Variants in GBF1 observed in about 807,000 individuals in gnomAD.
GBF1 encodes the protein Golgi-specific brefeldin A-resistance guanine nucleotide exchange factor 1.
A neutral mutation model predicts 210.5 loss-of-function variants in GBF1; 114 were observed. The ratio of observed to expected loss-of-function variants is 0.54; its 90% CI spans 0.47 to 0.63. The LOEUF (loss-of-function observed/expected upper bound fraction) is 0.63, where lower values mean the gene tolerates loss of function less well. GBF1 is among the 30% of genes least tolerant of loss of function. The probability of loss-of-function intolerance (pLI) is 0.00; values close to 1 mark genes in which losing one functional copy is unlikely to be tolerated. For missense variants in GBF1, 1,851 were observed against 2,357.7 expected, an observed-to-expected ratio of 0.79 and a Z score of 4.45; for synonymous variants, 850 against 889.2, an observed-to-expected ratio of 0.96 and a Z score of 0.78.
At chr10:102,347,333 G>C (rs979242140) in intron 4 of GBF1, among the ~76,000 whole-genome samples, 1 of 152,132 alleles carries the variant, frequency 6.6e-6, no homozygotes, top group Non-Finnish European at 1.5e-5. Context: ...CAGCCTCTCC[G>C]ACACCCTAGT....
rs143179363 is a variant in GBF1, at chr10:102,358,669, C to T, written c.951C>T (p.Tyr317=). The stretch of plus-strand genomic sequence containing the variant: ...TAGAGCAACCTGGCTCTCCAGGGTA[C>T]AGCACAGCTACAGAGCCTGGAAGCA... ...TDLEQPGSPG[Y]STATEPGSSE... is the part of the protein sequence containing the mutation. The change falls in exon 10 of 40, where the codon TAC becomes TAT. Residue 317 remains tyrosine, a synonymous_variant. Transcript: ENST00000369983. 7 of 1,613,962 alleles carry T rather than the reference C, an allele frequency of 4.3e-6. No homozygotes were observed. The highest frequency in any genetic ancestry group is 1.3e-5 in the African/African-American group (1 of 74,914).
At chr10:102,370,290 G>A (rs761864939) in intron 27 of GBF1, 45 bp downstream of exon 27, 2 of 1,504,252 alleles carry the variant, frequency 1.3e-6, no homozygotes, top group African/African-American at 1.4e-5. Flanking sequence ...GCTGAATCTG[G>A]GAGGGGTGAC....
the GBF1 span, among the ~76,000 whole-genome samples, chr10:102,235,373 C>A: frequency 6.6e-6 from 1 of 152,086 alleles, no homozygotes; most frequent in African/African-American, 2.4e-5. Flanking sequence ...GCCCAGGCCC[C>A]TCTCAGGAAA....
chr10:102,268,391 CAG>C, intron 3 of GBF1, among the ~76,000 whole-genome samples: 1 of 152,304 alleles, frequency 6.6e-6, no homozygotes, highest in East Asian at 1.9e-4. Context: ...CTCTCAAAAA[CAG>C]AGAAACCTAA....
At chr10:102,358,971 G>A (rs1589766827) in intron 10 of GBF1, 1 of 589,834 alleles carries the variant, frequency 1.7e-6, no homozygotes, top group African/African-American at 1.9e-5. Context: ...TGACAAAAGG[G>A]AAGGAGCTGG....
intron 33 of GBF1, 121 bp downstream of exon 33, chr10:102,377,261 A>G: frequency 1.5e-6 from 1 of 675,010 alleles, no homozygotes; most frequent in Non-Finnish European, 2.6e-6. Context: ...GCCCTGGACC[A>G]CCATCTTCAC....
At chr10:102,277,092 C>T (rs1179377875) in intron 3 of GBF1, among the ~76,000 whole-genome samples, 1 of 151,956 alleles carries the variant, frequency 6.6e-6, no homozygotes, top group Non-Finnish European at 1.5e-5. Flanking sequence ...TTTGGAAGGC[C>T]AAGATGAGAG....
intron 3 of GBF1, among the ~76,000 whole-genome samples, chr10:102,274,672 A>G (rs1208782240): frequency 7.2e-6 from 1 of 139,658 alleles, no homozygotes; most frequent in African/African-American, 2.7e-5. Flanking sequence ...TTTTTAGGAC[A>G]TTGAAGTCTA....
At chr10:102,248,689 G>A (rs1362522718) in intron 1 of GBF1, among the ~76,000 whole-genome samples, 1 of 151,976 alleles carries the variant, frequency 6.6e-6, no homozygotes, top group Non-Finnish European at 1.5e-5. Flanking sequence ...CGGCTGGAGT[G>A]CAGAGGAACG....
intron 1 of GBF1, among the ~76,000 whole-genome samples, chr10:102,257,376 A>G (rs2072556442): frequency 6.6e-6 from 1 of 152,038 alleles, no homozygotes; most frequent in Non-Finnish European, 1.5e-5. Context: ...TTGTGGGGTC[A>G]TAGCTCACTG....
At chr10:102,372,125 C>T (rs1374610893) in intron 29 of GBF1, among the ~76,000 whole-genome samples, 2 of 150,370 alleles carry the variant, frequency 1.3e-5, no homozygotes, top group Non-Finnish European at 3.0e-5. Context: ...GCAGGAGAAT[C>T]GCTTGAACCT....
intron 3 of GBF1, among the ~76,000 whole-genome samples, chr10:102,337,647 T>C (rs1292586249): frequency 1.3e-5 from 2 of 151,340 alleles, no homozygotes; most frequent in Admixed American, 6.6e-5. Flanking sequence ...AGGTCAGGAG[T>C]GCAGTTTGAG....
chr10:102,260,547 A>G (rs1375095840), intron 3 of GBF1, among the ~76,000 whole-genome samples: 1 of 134,084 alleles, frequency 7.5e-6, no homozygotes, highest in African/African-American at 2.9e-5. Flanking sequence ...TCATGAACTC[A>G]GCTCACTGCA....
chr10:102,319,728 CTTT>C (rs546103797), intron 3 of GBF1, among the ~76,000 whole-genome samples: 1 of 133,222 alleles, frequency 7.5e-6, no homozygotes, highest in Admixed American at 7.6e-5. Flanking sequence ...CTTTTTCTTT[CTTT>C]TTTTTTTTTT....
chr10:102,242,212 T>C (rs1485790155), upstream of GBF1, among the ~76,000 whole-genome samples: 1 of 152,234 alleles, frequency 6.6e-6, no homozygotes, highest in East Asian at 1.9e-4. Context: ...GGGTTTGGAA[T>C]GATACAAACC....
At chr10:102,320,464 T>A (rs556787444) in intron 3 of GBF1, among the ~76,000 whole-genome samples, 3 of 152,264 alleles carry the variant, frequency 2.0e-5, no homozygotes, top group African/African-American at 7.2e-5. Context: ...CTTATATTAG[T>A]TCCTCAATAA....
chr10:102,345,646 C>CA (rs59037566), intron 4 of GBF1, among the ~76,000 whole-genome samples: 494 of 17,842 alleles, frequency 0.028, 43 homozygotes, highest in Non-Finnish European at 0.036. Context: ...GACTCCGTCT[C>CA]AAAAAAAAAA....
chr10:102,365,435 A>G lies in GBF1; in HGVS notation c.2145A>G (p.Pro715=). The stretch of plus-strand genomic sequence containing the variant: ...GCACAGAGCAGTTCAATCAGAAACC[A>G]AAGAAGGGGATTCAGTTTCTGCAAG... ...ITGTEQFNQK[P]KKGIQFLQEK... Residue 715 remains proline, a synonymous_variant, in exon 18 of 40, where the codon CCA becomes CCG. Transcript: ENST00000369983. 1 of 1,614,152 alleles carries G rather than the reference A, an allele frequency of 6.2e-7. No homozygotes were observed. The highest frequency in any genetic ancestry group is 1.1e-5 in the South Asian group (1 of 91,082).
At chr10:102,349,208 G>C (rs1367350740) in intron 4 of GBF1, among the ~76,000 whole-genome samples, 1 of 151,994 alleles carries the variant, frequency 6.6e-6, no homozygotes, top group Non-Finnish European at 1.5e-5. Context: ...TGAGCTTTAG[G>C]CTCAGGAACT....
Sources: gnomAD v4.1 joint callset for allele counts (sites outside exome capture counted in the v4.1 genomes callset) on GRCh38, gnomAD v4.1.1 for gene constraint, MANE v1.5 for transcripts, NCBI Gene and HGNC (gene_info 2026-07-23, HGNC 2026-07-21) for gene names.